CSMD1: variants seen among roughly 807,000 people sequenced by gnomAD.
The protein encoded by CSMD1 is CUB and Sushi multiple domains 1, also known as CUB and sushi domain-containing protein 1.
CSMD1 carries 213 observed loss-of-function variants against 417.5 expected under a neutral mutation model. That is an observed-to-expected ratio of 0.51 (90% CI 0.46 to 0.57). CSMD1 has a LOEUF of 0.57. CSMD1 is among the 20% of genes least tolerant of loss of function. The probability of loss-of-function intolerance (pLI) is 0.00; values close to 1 mark genes in which losing one functional copy is unlikely to be tolerated. For synonymous variants in CSMD1, 2,862 were observed against 1,736.8 expected (o/e 1.65, Z -16.11); for missense variants, 6,923 against 4,529.7 (o/e 1.53, Z -15.17).
chr8:4,545,484 C>A (rs1341453737), intron 2 of CSMD1, among the ~76,000 whole-genome samples: 1 of 152,074 alleles, frequency 6.6e-6, no homozygotes, highest in South Asian at 2.1e-4. Flanking sequence ...TTCAATATAT[C>A]TTTAAAAATA....
intron 3 of CSMD1, among the ~76,000 whole-genome samples, chr8:4,299,758 G>C (rs191287579): frequency 6.6e-6 from 1 of 151,932 alleles, no homozygotes; most frequent in African/African-American, 2.4e-5. Context: ...AGCCTCCCGA[G>C]TAGCTGAGAT....
intron 55 of CSMD1, among the ~76,000 whole-genome samples, chr8:2,977,411 G>A (rs925014345): frequency 2.0e-5 from 3 of 152,184 alleles, no homozygotes; most frequent in Admixed American, 1.3e-4. Flanking sequence ...CTCCATCCAT[G>A]TCTCTGCAAA....
chr8:4,438,209 A>G (rs1798256684), intron 2 of CSMD1, among the ~76,000 whole-genome samples: 1 of 152,146 alleles, frequency 6.6e-6, no homozygotes, highest in Admixed American at 6.5e-5. Context: ...ATCTGCAAGA[A>G]ACTCCTGAAA....
At chr8:3,954,863 T>C (rs1258751095) in intron 5 of CSMD1, among the ~76,000 whole-genome samples, 3 of 152,052 alleles carry the variant, frequency 2.0e-5, no homozygotes, top group South Asian at 4.1e-4. Flanking sequence ...TGCATTGGAG[T>C]CTTTCTTCCT....
intron 10 of CSMD1, among the ~76,000 whole-genome samples, chr8:3,513,307 G>A (rs974012672): frequency 6.6e-6 from 1 of 151,386 alleles, no homozygotes; most frequent in Non-Finnish European, 1.5e-5. Context: ...GAAATCCATA[G>A]GTAAGTCCTG....
At chr8:4,094,854 G>A (rs965537089) in intron 3 of CSMD1, among the ~76,000 whole-genome samples, 1 of 152,198 alleles carries the variant, frequency 6.6e-6, no homozygotes, top group Admixed American at 6.5e-5. Flanking sequence ...CATAGTTGGT[G>A]ATGTGTTTGG....
At chr8:3,201,240 T>C (rs1243798395) in intron 32 of CSMD1, among the ~76,000 whole-genome samples, 1 of 152,186 alleles carries the variant, frequency 6.6e-6, no homozygotes, top group Non-Finnish European at 1.5e-5. Flanking sequence ...CTTACAGGCT[T>C]AGAATGCTTT....
intron 26 of CSMD1, among the ~76,000 whole-genome samples, chr8:3,257,086 C>T (rs567132769): frequency 1.3e-5 from 2 of 152,230 alleles, no homozygotes; most frequent in African/African-American, 4.8e-5. Flanking sequence ...CTTTGGGAGG[C>T]CAAGGTGGGT....
chr8:4,986,234 A>G lies in CSMD1; in HGVS notation c.85+8098T>C, dbSNP rs574508959. Among the ~76,000 whole-genome samples, 8 of 152,342 alleles carry G rather than the reference A, an allele frequency of 5.3e-5. No individual in the cohort carries two copies. In the East Asian group the frequency reaches 5.8e-4, roughly 11 times the overall value. On this transcript the variant is annotated intron_variant, in intron 1 of 69. Transcript: ENST00000635120. ...AAAATTTACTCAGAGCGCCGCCAGG[A>G]AAGATTTTAGGAACCACAGTTATGT... is the stretch of plus-strand genomic sequence containing the variant.
chr8:3,916,314 C>T (rs1808825619), intron 5 of CSMD1, among the ~76,000 whole-genome samples: 1 of 152,118 alleles, frequency 6.6e-6, no homozygotes, highest in South Asian at 2.1e-4. Context: ...GTTCTCAGCA[C>T]TACGCCGGAT....
At chr8:3,815,975 T>C (rs1057174803) in intron 5 of CSMD1, among the ~76,000 whole-genome samples, 2 of 152,204 alleles carry the variant, frequency 1.3e-5, no homozygotes, top group African/African-American at 4.8e-5. Flanking sequence ...ATAGGTTTAC[T>C]TGATGAAAGC....
intron 26 of CSMD1, among the ~76,000 whole-genome samples, chr8:3,238,004 G>A (rs143078550): frequency 0.049 from 7,417 of 151,002 alleles, 320 homozygotes; most frequent in East Asian, 0.22. Context: ...ACTCGCGTCC[G>A]TGTGAAGAGA....
Position 3,189,991 on chromosome 8 carries a change from A to G in CSMD1, c.5319T>C (p.Leu1773=). Reference sequence around the variant, plus strand: ...GGCAGTGGAGCGCCGTGGAACCCTGAAGCAGGTATCCCGGGTTGCACTCGA... The same window carrying G: ...GGCAGTGGAGCGCCGTGGAACCCTGGAGCAGGTATCCCGGGTTGCACTCGA... ...VRFECNPGYL[L]QGSTALHCQS... The change falls in exon 34 of 70, where the codon CTT becomes CTC. Residue 1773 remains leucine, a synonymous_variant. Transcript: ENST00000635120. The G allele has an allele frequency of 6.3e-7, 1 of 1,599,594 alleles. No homozygotes were observed.
chr8:3,963,785 G>C (rs766578188), intron 5 of CSMD1, among the ~76,000 whole-genome samples: 2 of 152,070 alleles, frequency 1.3e-5, no homozygotes, highest in Non-Finnish European at 2.9e-5. Flanking sequence ...AGCAACCTAA[G>C]TCAGACAGAA....
At chr8:3,304,224 G>C (rs1375724493) in intron 25 of CSMD1, among the ~76,000 whole-genome samples, 3 of 151,966 alleles carry the variant, frequency 2.0e-5, no homozygotes, top group Admixed American at 6.6e-5. Context: ...ATTAATCCCT[G>C]TGTTCATATT....
chr8:3,324,724 A>G (rs1585001655), intron 23 of CSMD1, among the ~76,000 whole-genome samples: 1 of 149,964 alleles, frequency 6.7e-6, no homozygotes, highest in East Asian at 2.0e-4. Flanking sequence ...CTAACCCCAG[A>G]GACCCAGGAC....
intron 11 of CSMD1, among the ~76,000 whole-genome samples, chr8:3,485,808 AAAATAAAATAAAAT>A: frequency 1.3e-5 from 2 of 150,734 alleles, no homozygotes; most frequent in South Asian, 4.2e-4. Context: ...AAAATAAAAT[AAAATAAAATAAAAT>A]AAAATAAAAT....
chr8:3,897,752 A>T (rs564762357), intron 5 of CSMD1, among the ~76,000 whole-genome samples: 4 of 152,290 alleles, frequency 2.6e-5, no homozygotes, highest in Non-Finnish European at 2.9e-5. Flanking sequence ...TCCTCCATGA[A>T]ACATTCTGTG....
At chr8:4,900,909 A>C (rs1365063995) in intron 1 of CSMD1, among the ~76,000 whole-genome samples, 1 of 152,312 alleles carries the variant, frequency 6.6e-6, no homozygotes, top group Middle Eastern at 3.4e-3. Context: ...ACCACTAGTT[A>C]CTTCTCTCCC....
Sources: allele counts gnomAD v4.1 joint callset (sites outside exome capture counted in the v4.1 genomes callset), GRCh38; gene constraint gnomAD v4.1.1; transcripts MANE v1.5; gene names NCBI Gene and HGNC (gene_info 2026-07-23, HGNC 2026-07-21).